KIAA0319: variants seen among roughly 807,000 people sequenced by gnomAD.
KIAA0319 encodes KIAA0319, also known as dyslexia-associated protein KIAA0319.
In KIAA0319, 83 loss-of-function variants were observed where a neutral mutation model predicts 108.4. The observed-to-expected ratio is 0.77, with a 90% confidence interval of 0.64 to 0.92. KIAA0319 has a LOEUF of 0.92. KIAA0319 is among the 40% of genes least tolerant of loss of function. The pLI is 0.00. For synonymous variants in KIAA0319, 484 were observed against 510.4 expected, an observed-to-expected ratio of 0.95 and a Z score of 0.70; for missense variants, 1,195 against 1,322.4, an observed-to-expected ratio of 0.90 and a Z score of 1.49.
At chr6:24,583,210 G>A in intron 5 of KIAA0319, 1 of 989,652 alleles carries the variant, frequency 1.0e-6, no homozygotes, top group Non-Finnish European at 1.2e-6. Context: ...AGCCGTGATT[G>A]TCAATGCCAC....
intron 17 of KIAA0319, among the ~76,000 whole-genome samples, chr6:24,557,563 C>A (rs1284499525): frequency 6.6e-6 from 1 of 152,178 alleles, no homozygotes; most frequent in African/African-American, 2.4e-5. Flanking sequence ...AAGTATTTAT[C>A]TGGAGTGCAA....
At chr6:24,628,516 T>TTTTC (rs893074510) in intron 1 of KIAA0319, among the ~76,000 whole-genome samples, 6 of 151,692 alleles carry the variant, frequency 4.0e-5, no homozygotes, top group African/African-American at 1.5e-4. Context: ...TGCAGTGCTT[T>TTTTC]TTTCTTTCTT....
At chr6:24,540,710 T>C (rs1294869741), downstream of KIAA0319, among the ~76,000 whole-genome samples, 1 of 152,124 alleles carries the variant, frequency 6.6e-6, no homozygotes, top group Non-Finnish European at 1.5e-5. Context: ...CTTATTTTAC[T>C]GTTGATATGT....
At chr6:24,623,580 G>A (rs2127574282) in intron 1 of KIAA0319, among the ~76,000 whole-genome samples, 1 of 152,250 alleles carries the variant, frequency 6.6e-6, no homozygotes, top group Non-Finnish European at 1.5e-5. Flanking sequence ...GAATCACAGA[G>A]CAGCATCATA....
chr6:24,563,324 C>T (rs2744549), intron 16 of KIAA0319, 35 bp downstream of exon 16: 41,690 of 1,578,904 alleles, frequency 0.026, 1,221 homozygotes, highest in African/African-American at 0.14. Context: ...GAATTTTGTA[C>T]GGCCAAGGCC....
In KIAA0319 at chr6:24,596,138, C is replaced by T; in HGVS notation, c.536G>A (p.Ser179Asn). 1 of 1,614,104 alleles carries T rather than the reference C, an allele frequency of 6.2e-7. No individual in the cohort carries two copies. The highest frequency in any genetic ancestry group is 8.5e-7 in the Non-Finnish European group (1 of 1,179,998). ...TAGGCCCCAGTCCGTGTACTCGGCA[C>T]TCCCTCTGGGCTCCTGCTTGCCACT... ...QPSGKQEPRG[S>N]AEYTDWGLLP... The change falls in exon 3 of 21, where the codon AGT (serine) becomes AAT (asparagine). Residue 179 changes from serine to asparagine, a missense_variant. Physicochemically the swap from Ser to Asn is conservative, Grantham distance 46 (BLOSUM62 1). Coordinates refer to ENST00000378214, the MANE Select transcript of KIAA0319 (RefSeq NM_014809.4).
intron 17 of KIAA0319, among the ~76,000 whole-genome samples, chr6:24,557,784 G>A (rs1762509174): frequency 7.2e-6 from 1 of 137,958 alleles, no homozygotes; most frequent in African/African-American, 3.1e-5. Flanking sequence ...TAAGAGACAA[G>A]GTCTTGTTGC....
intron 19 of KIAA0319, 39 bp from the exon 20 acceptor site, chr6:24,551,564 A>G (rs375671437): frequency 1.2e-5 from 16 of 1,355,390 alleles, no homozygotes; most frequent in Non-Finnish European, 2.1e-6. Context: ...AGATCTTTAG[A>G]AAGGTAACTG....
intron 19 of KIAA0319, 129 bp downstream of exon 19, chr6:24,554,412 T>C: frequency 1.0e-5 from 7 of 696,366 alleles, no homozygotes; most frequent in Non-Finnish European, 1.3e-5. Context: ...CACTTATGCT[T>C]TGTGGCAGAA....
At chr6:24,598,026 G>A in intron 2 of KIAA0319, 1 of 242,910 alleles carries the variant, frequency 4.1e-6, no homozygotes, top group South Asian at 6.2e-5. Flanking sequence ...CCATCAAGGT[G>A]ACCCATAAGT....
Position 24,570,066 on chromosome 6 carries a change from T to C in KIAA0319, c.1859-31A>G, listed in dbSNP as rs367773094. 7.2e-5 allele frequency: 116 copies of C among 1,607,726 alleles called. No homozygotes were observed. The African/African-American group carries it at 1.3e-3, about 17-fold the overall frequency. On this transcript the variant is annotated intron_variant, in intron 11 of 20. Coordinates refer to ENST00000378214, the MANE Select transcript of KIAA0319 (RefSeq NM_014809.4). ...ATTACAGAAACAGTGTGAAAAAGTA[T>C]TATCTCTTTGCATTAAGTCTGCAAT...
At chr6:24,588,181 A>G (rs1237251013) in intron 4 of KIAA0319, among the ~76,000 whole-genome samples, 1 of 152,228 alleles carries the variant, frequency 6.6e-6, no homozygotes, top group Non-Finnish European at 1.5e-5. Context: ...AGTAAATACA[A>G]TGATCACGAT....
chr6:24,568,146 C>T (rs1379519829), intron 13 of KIAA0319, among the ~76,000 whole-genome samples: 3 of 152,186 alleles, frequency 2.0e-5, no homozygotes, highest in Non-Finnish European at 1.5e-5. Context: ...ACTCTCCCAG[C>T]GTCCCACACT....
In KIAA0319 at chr6:24,645,840, TAC is replaced by T. The variant is rs70974925; in HGVS notation, c.-212_-211del. 3,053 of 140,200 alleles carry T rather than the reference TAC, an allele frequency of 0.022. 59 individuals carry two copies. The highest frequency in any genetic ancestry group is 0.02 in the Non-Finnish European group (1,274 of 64,810). 8.7% of individuals were successfully genotyped at this position (140,200 alleles called of 1,614,324 possible). The stretch of plus-strand genomic sequence containing the variant: ...TCCTCCTCGTCGTCATCGCAGGTCT[TAC>T]ACACACACACACACACACACACACA... On this transcript the variant is annotated 5_prime_UTR_variant, in exon 1 of 21. Transcript: ENST00000378214.
At position 24,576,407 on chromosome 6, in the gene KIAA0319, G is replaced by T; in HGVS notation, c.1695C>A (p.Ser565=). The part of the protein sequence containing the change: ...DDHQIVLYEW[S]LGPGSEGKHV... The stretch of plus-strand genomic sequence containing the variant: ...GTTTGCCCTCACTCCCAGGACCCAG[G>T]GACCACTCATAGAGGACAATCTGGT... The change falls in exon 10 of 21, where the codon TCC becomes TCA. Residue 565 remains serine, a synonymous_variant. Coordinates refer to ENST00000378214, the MANE Select transcript of KIAA0319 (RefSeq NM_014809.4). 6.2e-7 allele frequency: 1 copy of T among 1,614,122 alleles called. No homozygotes were observed. The highest frequency in any genetic ancestry group is 8.5e-7 in the Non-Finnish European group (1 of 1,180,010).
intron 1 of KIAA0319, among the ~76,000 whole-genome samples, chr6:24,639,376 A>G (rs925148953): frequency 6.6e-6 from 1 of 152,196 alleles, no homozygotes; most frequent in Non-Finnish European, 1.5e-5. Context: ...AAAATCTAGA[A>G]AGTATAGAGG....
intron 19 of KIAA0319, among the ~76,000 whole-genome samples, chr6:24,553,555 A>G (rs1485173829): frequency 6.6e-6 from 1 of 151,986 alleles, no homozygotes; most frequent in Non-Finnish European, 1.5e-5. Flanking sequence ...GGCTAGAAAG[A>G]CATTCTCTGA....
chr6:24,581,003 C>T lies in KIAA0319; in HGVS notation c.1202G>A (p.Gly401Glu), dbSNP rs2127483959. The T allele has an allele frequency of 6.2e-7, 1 of 1,607,818 alleles. No individual in the cohort carries two copies. Among genetic ancestry groups the T allele is most frequent in the Non-Finnish European group, 8.5e-7 (1 of 1,174,566 alleles). The change falls in exon 7 of 21, where the codon GGA becomes GAA. Residue 401 changes from glycine (G) to glutamate (E), a missense_variant. Coordinates refer to ENST00000378214, the MANE Select transcript of KIAA0319 (RefSeq NM_014809.4). The stretch of plus-strand genomic sequence containing the variant: ...AACAGTGACTTTGAAGACATAAAGT[C>T]CGACGGACAACTGTAACATAAAGAA... ...QTLNLSQLSV[G>E]LYVFKVTVSS...
At chr6:24,580,729 G>A (rs1354099023) in intron 7 of KIAA0319, among the ~76,000 whole-genome samples, 197 bp downstream of exon 7, 1 of 152,040 alleles carries the variant, frequency 6.6e-6, no homozygotes, top group Non-Finnish European at 1.5e-5. Context: ...ACCTTGTCAA[G>A]CAAGTACAAA....
Sources: gnomAD v4.1 joint callset for allele counts (sites outside exome capture counted in the v4.1 genomes callset) on GRCh38, gnomAD v4.1.1 for gene constraint, MANE v1.5 for transcripts, NCBI Gene and HGNC (gene_info 2026-07-23, HGNC 2026-07-21) for gene names.